Variants in TMTC1 observed in about 807,000 individuals in gnomAD.
TMTC1 encodes the protein transmembrane O-mannosyltransferase targeting cadherins 1, also known as protein O-mannosyl-transferase TMTC1.
In TMTC1, 73 loss-of-function variants were observed where a neutral mutation model predicts 104.8. The observed-to-expected ratio is 0.70, with a 90% CI of 0.58 to 0.85. TMTC1 has a LOEUF of 0.85. Ranked by LOEUF, TMTC1 falls within the 40% of genes least tolerant of loss-of-function variation. The pLI is 0.00. For synonymous variants in TMTC1, 434 were observed against 428.7 expected (o/e 1.01, Z -0.15); for missense variants, 1,035 against 1,096.1 (o/e 0.94, Z 0.79).
At chr12:29,535,023 G>A (rs1944604954) in intron 11 of TMTC1, 1 of 152,190 alleles carries the variant, frequency 6.6e-6, no homozygotes, top group African/African-American at 2.4e-5. Context: ...GAAGAGAAGT[G>A]CTGCAGGAAC....
chr12:29,527,239 C>T (rs753480307), intron 11 of TMTC1, among the ~76,000 whole-genome samples: 18 of 152,182 alleles, frequency 1.2e-4, no homozygotes, highest in Non-Finnish European at 2.2e-4. Context: ...AGAAGAGGCT[C>T]TGTTTTTCAA....
intron 15 of TMTC1, among the ~76,000 whole-genome samples, chr12:29,515,195 G>A (rs1056382572): frequency 6.6e-6 from 1 of 152,144 alleles, no homozygotes. Flanking sequence ...GGCATCAGAC[G>A]TTTTCCCTGA....
chr12:29,604,430 C>T (rs1189283530), intron 6 of TMTC1, 131 bp from the exon 7 acceptor site: 3 of 1,254,210 alleles, frequency 2.4e-6, no homozygotes, highest in East Asian at 5.0e-5. Context: ...AACCTTTTGA[C>T]CGGCGTGCTG....
intron 10 of TMTC1, among the ~76,000 whole-genome samples, chr12:29,546,503 G>C (rs1298322424): frequency 6.6e-6 from 1 of 152,062 alleles, no homozygotes; most frequent in African/African-American, 2.4e-5. Flanking sequence ...CACAGACAGG[G>C]GTGGAACATG....
intron 3 of TMTC1, among the ~76,000 whole-genome samples, chr12:29,757,760 T>C (rs1943248603): frequency 6.6e-6 from 1 of 152,112 alleles, no homozygotes; most frequent in African/African-American, 2.4e-5. Context: ...CTCAAAATCA[T>C]GGTGGAAGGC....
intron 5 of TMTC1, among the ~76,000 whole-genome samples, chr12:29,656,356 AC>A (rs1939757911): frequency 6.9e-6 from 1 of 144,962 alleles, no homozygotes; most frequent in Non-Finnish European, 1.5e-5. Context: ...ATACACATAT[AC>A]TTTTTTTTTT....
At chr12:29,522,930 G>A (rs183720666) in intron 11 of TMTC1, among the ~76,000 whole-genome samples, 19 of 152,284 alleles carry the variant, frequency 1.2e-4, no homozygotes, top group Non-Finnish European at 2.1e-4. Context: ...TGGTCAGCAC[G>A]TTGGTTTATC....
At chr12:29,562,475 G>A (rs990554031) in intron 9 of TMTC1, among the ~76,000 whole-genome samples, 1 of 152,160 alleles carries the variant, frequency 6.6e-6, no homozygotes, top group Non-Finnish European at 1.5e-5. Flanking sequence ...TACTGCTAGG[G>A]GTTGGGAAGT....
chr12:29,659,803 C>G, intron 5 of TMTC1: 1 of 1,122,916 alleles, frequency 8.9e-7, no homozygotes. Flanking sequence ...CCTCAATATG[C>G]AAAGTCAGCC....
chr12:29,715,274 G>C (rs79955627), intron 5 of TMTC1, among the ~76,000 whole-genome samples: 9,429 of 152,140 alleles, frequency 0.062, 381 homozygotes, highest in South Asian at 0.16. Context: ...ATCCAAAAAA[G>C]TTCAAAGAAT....
intron 7 of TMTC1, among the ~76,000 whole-genome samples, chr12:29,594,743 G>A (rs1421196364): frequency 6.6e-6 from 1 of 152,178 alleles, no homozygotes; most frequent in Non-Finnish European, 1.5e-5. Flanking sequence ...AGGGCACTGG[G>A]TGTGTAGCAT....
chr12:29,771,554 C>T (rs1943593648), intron 1 of TMTC1, among the ~76,000 whole-genome samples: 1 of 152,110 alleles, frequency 6.6e-6, no homozygotes, highest in African/African-American at 2.4e-5. Context: ...GCATCTGTTC[C>T]CAAAGAGTTA....
intron 5 of TMTC1, among the ~76,000 whole-genome samples, chr12:29,691,061 G>T (rs1263920604): frequency 1.3e-5 from 2 of 152,148 alleles, no homozygotes; most frequent in Non-Finnish European, 2.9e-5. Flanking sequence ...TCCCCTTCTT[G>T]CCTGGGACCA....
intron 10 of TMTC1, among the ~76,000 whole-genome samples, chr12:29,540,805 G>A (rs961907276): frequency 6.6e-6 from 1 of 152,054 alleles, no homozygotes; most frequent in African/African-American, 2.4e-5. Context: ...GACCAGCCTG[G>A]CCAAGATAGT....
intron 4 of TMTC1, 64 bp downstream of exon 4, chr12:29,755,645 C>T (rs1424598020): frequency 1.1e-6 from 1 of 877,530 alleles, no homozygotes; most frequent in Non-Finnish European, 1.6e-6. Flanking sequence ...AGTTTGGAAA[C>T]TATTAAGTAA....
chr12:29,670,955 A>G (rs1462399830), intron 5 of TMTC1, among the ~76,000 whole-genome samples: 1 of 104,918 alleles, frequency 9.5e-6, no homozygotes, highest in Non-Finnish European at 2.0e-5. Flanking sequence ...AAAAAAAAGG[A>G]TAGGAATTCA....
intron 8 of TMTC1, among the ~76,000 whole-genome samples, chr12:29,574,835 T>A (rs11050291): frequency 0.19 from 28,644 of 152,162 alleles, 3,153 homozygotes; most frequent in East Asian, 0.38. Flanking sequence ...ATATATGAAT[T>A]TGAAGGGATG....
chr12:29,655,858 A>C (rs547044544), intron 5 of TMTC1, among the ~76,000 whole-genome samples: 1 of 152,346 alleles, frequency 6.6e-6, no homozygotes, highest in East Asian at 1.9e-4. Flanking sequence ...AATGGGGAAA[A>C]AAAAGCTAAA....
At chr12:29,756,305 AGTTCCCTT>A (rs1369775117) in intron 3 of TMTC1, among the ~76,000 whole-genome samples, 5 of 152,230 alleles carry the variant, frequency 3.3e-5, no homozygotes, top group African/African-American at 1.2e-4. Flanking sequence ...TTGGTGCTTC[AGTTCCCTT>A]ATGTGTGAAA....
Sources: gnomAD v4.1 joint callset for allele counts (sites outside exome capture counted in the v4.1 genomes callset) on GRCh38, gnomAD v4.1.1 for gene constraint, MANE v1.5 for transcripts, NCBI Gene and HGNC (gene_info 2026-07-23, HGNC 2026-07-21) for gene names.